CACNA1I: variants seen among roughly 807,000 people sequenced by gnomAD.
CACNA1I encodes the protein voltage-dependent T-type calcium channel subunit alpha-1I.
CACNA1I carries 74 observed loss-of-function variants against 201.6 expected under a neutral mutation model. That is an observed-to-expected ratio of 0.37 (90% CI 0.30 to 0.45). The LOEUF is 0.45. Ranked by LOEUF, CACNA1I falls within the 20% of genes least tolerant of loss-of-function variation. The pLI, the probability that CACNA1I is intolerant of heterozygous loss-of-function variation, is 1.00. For missense variants in CACNA1I, 2,346 were observed against 3,138.1 expected (o/e 0.75, Z 6.03); for synonymous variants, 1,431 against 1,345.2 (o/e 1.06, Z -1.40).
intron 4 of CACNA1I, among the ~76,000 whole-genome samples, chr22:39,631,066 G>A (rs541197722): frequency 1.3e-5 from 2 of 152,342 alleles, no homozygotes; most frequent in South Asian, 4.1e-4. Context: ...CCCATGGGGC[G>A]TATGGGCTGT....
Position 39,659,313 on chromosome 22 carries a change from G to A in CACNA1I, c.2331-120G>A. ...CTCAGTGTTCATCTCTGTAAAATGG[G>A]ACCAACGCTGCCCCGCCTCCCCCTG... On this transcript the variant is annotated intron_variant, in intron 12 of 36. Coordinates refer to ENST00000402142, the MANE Select transcript of CACNA1I (RefSeq NM_021096.4). This position sits in a 1 kb window ranked among gnomAD's most constrained non-coding sequence, Gnocchi z 4.3. 1.1e-6 allele frequency: 1 copy of A among 929,974 alleles called. No homozygotes were observed. Among genetic ancestry groups the A allele is most frequent in the South Asian group, 1.6e-5 (1 of 63,742 alleles). The allele number at this position is 929,974 out of a possible 1,614,324, so 57.6% of individuals were successfully genotyped here. A position where few individuals can be genotyped will look rare whatever the true frequency, so the allele number is the denominator to read the frequency against.
At chr22:39,585,247 G>A (rs962173455) in intron 1 of CACNA1I, among the ~76,000 whole-genome samples, 6 of 151,686 alleles carry the variant, frequency 4.0e-5, no homozygotes, top group African/African-American at 1.5e-4. Flanking sequence ...CATTTTAGTA[G>A]AGACAGGGTT....
Position 39,659,611 on chromosome 22 carries a change from G to A in CACNA1I, c.2448+61G>A. 2 of 1,596,156 alleles carry A rather than the reference G, an allele frequency of 1.3e-6. No homozygotes were observed. Among genetic ancestry groups the A allele is most frequent in the East Asian group, 4.5e-5 (2 of 44,740 alleles). On this transcript the variant is annotated intron_variant, in intron 13 of 36. Transcript: ENST00000402142. The surrounding 1 kb of genome is among the most constrained non-coding windows in gnomAD (Gnocchi z 4.3). The stretch of plus-strand genomic sequence containing the variant: ...AGCGATGGGACAGTAGGCCTGGGAG[G>A]GGCGGGGCTGACAACTCCCATGCCT...
intron 7 of CACNA1I, among the ~76,000 whole-genome samples, chr22:39,643,102 G>A (rs1040543965): frequency 2.0e-5 from 3 of 152,174 alleles, no homozygotes; most frequent in South Asian, 4.1e-4. Context: ...CAACACCTTC[G>A]ATTGCTGTCA....
At chr22:39,597,587 G>T (rs1169373846) in intron 1 of CACNA1I, among the ~76,000 whole-genome samples, 1 of 152,248 alleles carries the variant, frequency 6.6e-6, no homozygotes, top group Non-Finnish European at 1.5e-5. Context: ...GCCAGGGCTG[G>T]GCTTGGTGCG....
intron 1 of CACNA1I, among the ~76,000 whole-genome samples, chr22:39,580,307 T>C (rs1601791209): frequency 1.3e-5 from 2 of 152,248 alleles, no homozygotes; most frequent in South Asian, 4.1e-4. Context: ...TTCTCAGAAA[T>C]AAAAGTCAGC....
intron 10 of CACNA1I, 30 bp from the exon 11 acceptor site, chr22:39,658,122 G>A (rs1569085110): frequency 6.2e-7 from 1 of 1,611,352 alleles, no homozygotes; most frequent in African/African-American, 1.3e-5. Flanking sequence ...GCCTGACCGG[G>A]TCTCCATTCC....
chr22:39,622,520 T>C lies in CACNA1I; in HGVS notation c.580+3113T>C, dbSNP rs556695392. On this transcript the variant is annotated intron_variant, in intron 4 of 36. Coordinates refer to ENST00000402142, the MANE Select transcript of CACNA1I (RefSeq NM_021096.4). ...GAGGACAGGGCCTGGGCATGGACCA[T>C]GTGCCTGAGGGCAGTGGGAGCATAG... Among the ~76,000 whole-genome samples, 345 of 145,468 alleles carry C rather than the reference T, an allele frequency of 2.4e-3. 4 individuals carry two copies. Among genetic ancestry groups the C allele is most frequent in the African/African-American group, 8.3e-3 (326 of 39,426 alleles).
chr22:39,590,658 A>G (rs1311947982), intron 1 of CACNA1I, among the ~76,000 whole-genome samples: 1 of 152,242 alleles, frequency 6.6e-6, no homozygotes, highest in African/African-American at 2.4e-5. Context: ...ATTTGCAGCC[A>G]GTGAGAGGCA....
intron 1 of CACNA1I, among the ~76,000 whole-genome samples, chr22:39,577,446 G>A (rs907758007): frequency 9.2e-5 from 14 of 152,210 alleles, no homozygotes; most frequent in Non-Finnish European, 2.1e-4. Context: ...AGGCCAGGGC[G>A]CCCGGTCTCC....
chr22:39,598,680 C>G (rs559665393), intron 2 of CACNA1I, among the ~76,000 whole-genome samples: 81 of 152,208 alleles, frequency 5.3e-4, no homozygotes, highest in African/African-American at 1.9e-3. Context: ...CACTTCGTCC[C>G]CCGTGCTCTT....
Position 39,685,618 on chromosome 22 carries a change from C to A in CACNA1I, c.6028-143C>A, listed in dbSNP as rs922130314. On this transcript the variant is annotated intron_variant, in intron 36 of 36. Transcript: ENST00000402142. This position sits in a 1 kb window ranked among gnomAD's most constrained non-coding sequence, Gnocchi z 5.0. Reference sequence around the variant, plus strand: ...CTGCGGTGACGCCGCCTAAGCTGGACGTGCGGAGGGGAGAAGCCCTGCTCC... The same window carrying A: ...CTGCGGTGACGCCGCCTAAGCTGGAAGTGCGGAGGGGAGAAGCCCTGCTCC... The A allele has an allele frequency of 1.2e-5, 8 of 664,406 alleles. No individual in the cohort carries two copies. The highest frequency in any genetic ancestry group is 1.2e-5 in the Non-Finnish European group (5 of 432,944). The allele number at this position is 664,406 out of a possible 1,614,324, so 41.2% of individuals were successfully genotyped here. A position where few individuals can be genotyped will look rare whatever the true frequency, so the allele number is the denominator to read the frequency against.
rs1935839284 is a variant in CACNA1I at position 39,685,673 on chromosome 22, G to A, written c.6028-88G>A. On this transcript the variant is annotated intron_variant, in intron 36 of 36. Transcript: ENST00000402142. This position sits in a 1 kb window ranked among gnomAD's most constrained non-coding sequence, Gnocchi z 5.0. Reference sequence around the variant, plus strand: ...GGAGCTCCTTGGATGGGGTCTGCCTGCTGCCTGCTGTGCGGGGGAGGGCGG... The same window carrying A: ...GGAGCTCCTTGGATGGGGTCTGCCTACTGCCTGCTGTGCGGGGGAGGGCGG... 3 of 1,143,014 alleles carry A rather than the reference G, an allele frequency of 2.6e-6. No homozygotes were observed. Among genetic ancestry groups the A allele is most frequent in the African/African-American group, 3.3e-5 (2 of 60,660 alleles). The allele number at this position is 1,143,014 out of a possible 1,614,324, so 70.8% of individuals were successfully genotyped here. A position where few individuals can be genotyped will look rare whatever the true frequency, so the allele number is the denominator to read the frequency against.
chr22:39,628,463 C>T (rs982145214), intron 4 of CACNA1I, among the ~76,000 whole-genome samples: 11 of 152,032 alleles, frequency 7.2e-5, no homozygotes, highest in Non-Finnish European at 1.5e-4. Context: ...TTCAGTGAGA[C>T]AGCCGGGCCA....
intron 23 of CACNA1I, among the ~76,000 whole-genome samples, chr22:39,667,463 C>T (rs75993135): frequency 0.024 from 3,707 of 152,266 alleles, 165 homozygotes; most frequent in African/African-American, 0.084. Flanking sequence ...GACATGTAAC[C>T]TCCGGGCAGT....
chr22:39,617,115 C>T (rs1301585950), intron 3 of CACNA1I, among the ~76,000 whole-genome samples: 1 of 152,176 alleles, frequency 6.6e-6, no homozygotes, highest in South Asian at 2.1e-4. Flanking sequence ...AATGGGTTCC[C>T]ACAGGTAAAG....
At position 39,659,964 on chromosome 22, in the gene CACNA1I, C is replaced by A. The variant is rs140484239; in HGVS notation, c.2604+112C>A. 4.1e-4 allele frequency: 499 copies of A among 1,229,174 alleles called. No homozygotes were observed. The African/African-American group carries it at 6.6e-3, about 16-fold the overall frequency. The allele number at this position is 1,229,174 out of a possible 1,614,324, so 76.1% of individuals were successfully genotyped here. A position where few individuals can be genotyped will look rare whatever the true frequency, so the allele number is the denominator to read the frequency against. On this transcript the variant is annotated intron_variant, in intron 14 of 36. Transcript: ENST00000402142. This position sits in a 1 kb window ranked among gnomAD's most constrained non-coding sequence, Gnocchi z 4.3. ...GCAATTCAAACTTCTAGCAGGCAAC[C>A]TATCCCTAAAGGAGGGGGTTGCTGA...
At chr22:39,631,548 T>C (rs981515619) in intron 4 of CACNA1I, among the ~76,000 whole-genome samples, 3 of 152,204 alleles carry the variant, frequency 2.0e-5, no homozygotes, top group African/African-American at 7.2e-5. Context: ...CAGGGAGGAC[T>C]GCCTGGAGGA....
At position 39,649,666 on chromosome 22, in the gene CACNA1I, G is replaced by T; in HGVS notation, c.1733G>T (p.Gly578Val). The change falls in exon 10 of 37, where the codon GGC becomes GTC. Residue 578 changes from glycine (G) to valine (V), a missense_variant. By Grantham distance (109) the Gly-to-Val change is moderately radical. Transcript: ENST00000402142. This position sits in a 1 kb window ranked among gnomAD's most constrained non-coding sequence, Gnocchi z 7.3. Reference sequence around the variant, plus strand: ...ACCGACTCGGGCCAGGAGGGCTCGGGCTCCGGGAGCTCCGCTGGTGGCGAG... The same window carrying T: ...ACCGACTCGGGCCAGGAGGGCTCGGTCTCCGGGAGCTCCGCTGGTGGCGAG... Reference protein sequence around the residue: ...GSTDSGQEGSGSGSSAGGEDE... With the variant: ...GSTDSGQEGSVSGSSAGGEDE... 1 of 1,514,636 alleles carries T rather than the reference G, an allele frequency of 6.6e-7. No individual in the cohort carries two copies. Among genetic ancestry groups the T allele is most frequent in the Non-Finnish European group, 8.9e-7 (1 of 1,127,976 alleles). The allele number at this position is 1,514,636 out of a possible 1,614,324, so 93.8% of individuals were successfully genotyped here.
Sources: gnomAD v4.1 joint callset for allele counts (sites outside exome capture counted in the v4.1 genomes callset) on GRCh38, gnomAD v4.1.1 for gene constraint, Gnocchi (gnomAD v3.1) non-coding constraint, MANE v1.5 for transcripts, NCBI Gene and HGNC (gene_info 2026-07-23, HGNC 2026-07-21) for gene names.